Variants in KDM2A observed in about 807,000 individuals in gnomAD.
The protein encoded by KDM2A is lysine-specific demethylase 2A.
Under a neutral mutation model 137.3 loss-of-function variants are expected in KDM2A, and 3 were observed. The ratio of observed to expected loss-of-function variants is 0.02; its 90% confidence interval spans 0.01 to 0.06. The LOEUF (loss-of-function observed/expected upper bound fraction) is 0.06. KDM2A is among the 10% of genes least tolerant of loss of function. The probability of loss-of-function intolerance (pLI) is 1.00; values close to 1 mark genes in which losing one functional copy is unlikely to be tolerated. For missense variants in KDM2A, 738 were observed against 1,510.6 expected (o/e 0.49, Z 8.48); for synonymous variants, 512 against 541.5 (o/e 0.95, Z 0.76).
At position 67,211,377 on chromosome 11, in the gene KDM2A, G is replaced by A. The variant is rs1857975814; in HGVS notation, c.486+3689G>A. On this transcript the variant is annotated intron_variant, in intron 6 of 20. Transcript: ENST00000529006. ...GCCTACAATCCCAGCACTCTGGGAG[G>A]CCAAGGCAGGCAGATCACTTGAGGT... Among the ~76,000 whole-genome samples the A allele has an allele frequency of 2.6e-5, 4 of 152,070 alleles. No homozygotes were observed. In the South Asian group the frequency reaches 8.3e-4, roughly 32 times the overall value.
intron 2 of KDM2A, among the ~76,000 whole-genome samples, chr11:67,135,246 T>G (rs1855947295): frequency 6.6e-6 from 1 of 152,058 alleles, no homozygotes; most frequent in African/African-American, 2.4e-5. Flanking sequence ...TTTTGTATTT[T>G]TAGTAGAGAA....
At chr11:67,181,925 G>A (rs1857099926) in intron 5 of KDM2A, 33 bp downstream of exon 5, 15 of 1,592,842 alleles carry the variant, frequency 9.4e-6, no homozygotes, top group Non-Finnish European at 1.3e-5. Context: ...CTGTCTTTAA[G>A]GCAAAGATTT....
At chr11:67,232,205 G>A (rs1315565278) in intron 12 of KDM2A, among the ~76,000 whole-genome samples, 1 of 152,064 alleles carries the variant, frequency 6.6e-6, no homozygotes, top group Middle Eastern at 3.2e-3. Context: ...TTAAACATAG[G>A]TTTCAGGCTG....
chr11:67,119,346 A>AGCGGCG lies in KDM2A; in HGVS notation c.-772_-767dup, dbSNP rs905596763. 7 of 166,566 alleles carry AGCGGCG rather than the reference A, an allele frequency of 4.2e-5. No individual in the cohort carries two copies. Among genetic ancestry groups the AGCGGCG allele is most frequent in the South Asian group, 3.2e-4 (2 of 6,318 alleles). 10.3% of individuals were successfully genotyped at this position (166,566 alleles called of 1,614,324 possible). A position where few individuals can be genotyped will look rare whatever the true frequency, so the allele number is the denominator to read the frequency against. On this transcript the variant is annotated 5_prime_UTR_variant, in exon 1 of 21. Transcript: ENST00000529006. ...GAGGGAAACAACACCCCTCCCCGGC[A>AGCGGCG]GCGGCGGCGGCGGCGGCGGCTCTCG... is the stretch of plus-strand genomic sequence containing the variant.
intron 5 of KDM2A, among the ~76,000 whole-genome samples, chr11:67,200,568 A>G (rs191357763): frequency 1.1e-3 from 168 of 151,402 alleles, no homozygotes; most frequent in Admixed American, 2.9e-3. Context: ...TTGGAGTGCA[A>G]TGGTACAATC....
rs1859261641 is a variant in KDM2A, at chr11:67,247,069, A to ATTT, written c.1965+954_1965+955insTTT. On this transcript the variant is annotated intron_variant, in intron 15 of 20. Transcript: ENST00000529006. ...TATATATATATATATATATATATAT[A>ATTT]TATTTTTTTTTTTTTTTTTTTTTTT... 6.2e-3 allele frequency among the ~76,000 whole-genome samples: 131 copies of ATTT among 21,062 alleles called. 2 individuals carry two copies. Among genetic ancestry groups the ATTT allele is most frequent in the African/African-American group, 0.016 (107 of 6,698 alleles). The allele number at this position is 21,062 out of a possible 152,430, so 13.8% of individuals were successfully genotyped here. A position where few individuals can be genotyped will look rare whatever the true frequency, so the allele number is the denominator to read the frequency against.
intron 1 of KDM2A, 80 bp from the exon 2 acceptor site, chr11:67,121,154 C>T (rs1011031215): frequency 3.1e-6 from 2 of 635,210 alleles, no homozygotes; most frequent in Non-Finnish European, 2.8e-6. Context: ...TTAACACTTA[C>T]CTTAAATACT....
At chr11:67,122,457 G>A (rs1047368555) in intron 2 of KDM2A, among the ~76,000 whole-genome samples, 12 of 151,952 alleles carry the variant, frequency 7.9e-5, no homozygotes, top group Non-Finnish European at 1.6e-4. Context: ...CTTGCAAGTA[G>A]CTGGGACTGT....
At chr11:67,222,855 C>G (rs2136408542) in intron 10 of KDM2A, among the ~76,000 whole-genome samples, 1 of 150,058 alleles carries the variant, frequency 6.7e-6, no homozygotes, top group East Asian at 2.0e-4. Context: ...TACCTTATCC[C>G]CTGCATGAAG....
At chr11:67,241,867 G>T (rs905882417) in intron 12 of KDM2A, among the ~76,000 whole-genome samples, 3 of 152,080 alleles carry the variant, frequency 2.0e-5, no homozygotes, top group Admixed American at 6.6e-5. Context: ...TCAGGAGTTC[G>T]AGACCAGCCT....
chr11:67,248,601 TTCCTAAGG>T (rs1247329065), intron 16 of KDM2A: 1 of 469,902 alleles, frequency 2.1e-6, no homozygotes, highest in African/African-American at 2.0e-5. Context: ...GATCTGCAAA[TTCCTAAGG>T]TCCTTTTATA....
At chr11:67,181,119 T>G (rs1857083472) in intron 3 of KDM2A, among the ~76,000 whole-genome samples, 1 of 152,088 alleles carries the variant, frequency 6.6e-6, no homozygotes, top group South Asian at 2.1e-4. Flanking sequence ...GGAAAACCCC[T>G]CAAGCGTTGC....
intron 16 of KDM2A, among the ~76,000 whole-genome samples, chr11:67,249,192 T>G (rs1488717914): frequency 1.3e-5 from 2 of 152,230 alleles, no homozygotes; most frequent in Non-Finnish European, 2.9e-5. Flanking sequence ...AAAGTTCTCC[T>G]TAGTTCTTGC....
chr11:67,239,949 AG>A lies in KDM2A; in HGVS notation c.1480-3059del, dbSNP rs1016876423. 59 of 722,374 alleles carry A rather than the reference AG, an allele frequency of 8.2e-5. No homozygotes were observed. In the African/African-American group the frequency reaches 1.0e-3, roughly 13 times the overall value. The allele number at this position is 722,374 out of a possible 1,614,324, so 44.7% of individuals were successfully genotyped here. A position where few individuals can be genotyped will look rare whatever the true frequency, so the allele number is the denominator to read the frequency against. On this transcript the variant is annotated intron_variant, in intron 12 of 20. Transcript: ENST00000529006. Reference sequence around the variant, plus strand: ...CTCTTCCAATCGCGAGGAAGAAAGCAGTTGCTGAACACACCCCCTCCCGGCT... The same window carrying A: ...CTCTTCCAATCGCGAGGAAGAAAGCATTGCTGAACACACCCCCTCCCGGCT...
chr11:67,195,029 A>G (rs1418476799), intron 5 of KDM2A, among the ~76,000 whole-genome samples: 2 of 152,174 alleles, frequency 1.3e-5, no homozygotes, highest in African/African-American at 2.4e-5. Flanking sequence ...ACTTACCTTC[A>G]AACAGTGTAG....
intron 6 of KDM2A, among the ~76,000 whole-genome samples, chr11:67,214,207 A>ATTTTTTTTTTT (rs58629654): frequency 9.7e-6 from 1 of 103,288 alleles, no homozygotes; most frequent in Non-Finnish European, 1.8e-5. Context: ...TGCGCAGCTA[A>ATTTTTTTTTTT]TTTTTTTTTT....
intron 11 of KDM2A, among the ~76,000 whole-genome samples, chr11:67,229,092 G>C (rs1239072424): frequency 6.6e-6 from 1 of 152,126 alleles, no homozygotes. Context: ...TACATCATCA[G>C]AATAACCTGT....
At chr11:67,170,041 T>G (rs1856845415) in intron 2 of KDM2A, among the ~76,000 whole-genome samples, 1 of 152,022 alleles carries the variant, frequency 6.6e-6, no homozygotes, top group South Asian at 2.1e-4. Context: ...CTGGCGTGAG[T>G]CACCATGCCT....
intron 5 of KDM2A, among the ~76,000 whole-genome samples, chr11:67,200,613 G>A (rs1359826311): frequency 6.6e-6 from 1 of 152,066 alleles, no homozygotes; most frequent in Non-Finnish European, 1.5e-5. Flanking sequence ...CCTGGGCTCA[G>A]GTGATCCTTC....
Sources: allele counts gnomAD v4.1 joint callset (sites outside exome capture counted in the v4.1 genomes callset), GRCh38; gene constraint gnomAD v4.1.1; transcripts MANE v1.5; gene names NCBI Gene and HGNC (gene_info 2026-07-23, HGNC 2026-07-21).